Variants in FMN2 observed in about 807,000 individuals in gnomAD.
FMN2 encodes formin-2.
A neutral mutation model predicts 142.3 loss-of-function variants in FMN2; 51 were observed. The ratio of observed to expected loss-of-function variants is 0.36; its 90% CI spans 0.29 to 0.45. The LOEUF is 0.45. Ranked by LOEUF, FMN2 falls within the 20% of genes least tolerant of loss-of-function variation. The pLI is 1.00. For synonymous variants in FMN2, 882 were observed against 869.8 expected (o/e 1.01, Z -0.25); for missense variants, 1,936 against 2,122.8 (o/e 0.91, Z 1.73).
rs767619726 is a variant in FMN2, at chr1:240,188,313, AAG to A, written c.1986+53_1986+54del. The stretch of plus-strand genomic sequence containing the variant: ...GATTCCCATCTGTCTTATTTGTCTT[AAG>A]ATTGTGACAGACTCTGCGATTTATC... On this transcript the variant is annotated intron_variant, in intron 4 of 17. Coordinates refer to ENST00000319653, the MANE Select transcript of FMN2 (RefSeq NM_020066.5). 20 of 1,585,898 alleles carry A rather than the reference AAG, an allele frequency of 1.3e-5. No individual in the cohort carries two copies. In the South Asian group the frequency reaches 2.2e-4, roughly 18 times the overall value.
intron 14 of FMN2, among the ~76,000 whole-genome samples, chr1:240,378,931 T>G (rs143975521): frequency 2.0e-5 from 3 of 152,336 alleles, no homozygotes; most frequent in African/African-American, 7.2e-5. Context: ...CTCCTGTCAT[T>G]CCTGGGTCTG....
chr1:240,143,595 A>G lies in FMN2; in HGVS notation c.1782+20250A>G, dbSNP rs80098660. ...TCCCAGAGCCTGCCTATGCACACAC[A>G]TCTACCAGTGTGTTGGCAAAACTGC... On this transcript the variant is annotated intron_variant, in intron 2 of 17. Transcript: ENST00000319653. 3.6e-3 allele frequency: 5,816 copies of G among 1,607,686 alleles called. 188 individuals are homozygous for G. In the African/African-American group the frequency reaches 0.068, roughly 19 times the overall value.
chr1:240,382,670 A>T (rs752792519), intron 14 of FMN2, among the ~76,000 whole-genome samples: 6 of 152,144 alleles, frequency 3.9e-5, no homozygotes, highest in African/African-American at 9.7e-5. Flanking sequence ...CAAAAAGAAA[A>T]AAAAAATGAC....
intron 8 of FMN2, among the ~76,000 whole-genome samples, chr1:240,308,628 A>G (rs73122346): frequency 0.061 from 9,274 of 152,036 alleles, 958 homozygotes; most frequent in African/African-American, 0.21. Context: ...CTAGGAATAG[A>G]CTGTGAGAAG....
intron 14 of FMN2, among the ~76,000 whole-genome samples, chr1:240,368,509 G>A (rs1485066335): frequency 6.6e-6 from 1 of 152,080 alleles, no homozygotes; most frequent in African/African-American, 2.4e-5. Context: ...CTATTTTGAA[G>A]ATATGTAAAA....
chr1:240,431,881 T>A (rs896413379), intron 15 of FMN2, among the ~76,000 whole-genome samples: 2 of 151,690 alleles, frequency 1.3e-5, no homozygotes, highest in Admixed American at 1.3e-4. Context: ...ATTAAGGTTT[T>A]TTTTTTTGCT....
intron 7 of FMN2, among the ~76,000 whole-genome samples, chr1:240,268,620 A>G (rs1021838663): frequency 2.0e-5 from 3 of 151,994 alleles, no homozygotes; most frequent in Non-Finnish European, 2.9e-5. Context: ...ATCTAAGTAG[A>G]GACATAGACA....
At chr1:240,263,025 C>T (rs1008362361) in intron 7 of FMN2, among the ~76,000 whole-genome samples, 5 of 152,074 alleles carry the variant, frequency 3.3e-5, no homozygotes, top group Non-Finnish European at 5.9e-5. Context: ...TCCCAAAGTG[C>T]TGGGATTACA....
chr1:240,162,981 ACT>A (rs1175155617), intron 2 of FMN2, among the ~76,000 whole-genome samples: 1 of 151,994 alleles, frequency 6.6e-6, no homozygotes, highest in African/African-American at 2.4e-5. Context: ...TAAAATGCTG[ACT>A]CTGTTGTCTT....
intron 8 of FMN2, among the ~76,000 whole-genome samples, chr1:240,307,380 CT>C (rs1490426270): frequency 2.0e-4 from 31 of 152,182 alleles, no homozygotes; most frequent in African/African-American, 7.5e-4. Flanking sequence ...AGTTTGAGGT[CT>C]TACTTTTAAG....
At chr1:240,215,189 A>T (rs1296565003) in intron 6 of FMN2, among the ~76,000 whole-genome samples, 3 of 152,218 alleles carry the variant, frequency 2.0e-5, no homozygotes, top group Non-Finnish European at 4.4e-5. Flanking sequence ...GTCATAAGGA[A>T]ATATATTTTG....
At chr1:240,106,425 A>G (rs1486404886) in intron 1 of FMN2, among the ~76,000 whole-genome samples, 2 of 152,188 alleles carry the variant, frequency 1.3e-5, no homozygotes, top group Non-Finnish European at 2.9e-5. Context: ...ATCTTTATAT[A>G]GATACGGGAA....
intron 7 of FMN2, among the ~76,000 whole-genome samples, chr1:240,289,683 GTC>G (rs1198877672): frequency 6.6e-6 from 1 of 151,786 alleles, no homozygotes; most frequent in African/African-American, 2.4e-5. Context: ...CTGTCACTCT[GTC>G]TCTCTCTAAA....
chr1:240,368,955 T>TTATATATATA lies in FMN2; in HGVS notation c.4858+13056_4858+13065dup, dbSNP rs10671772. Reference sequence around the variant, plus strand: ...ATATTTAAAGTGTACAACACAATGTTTATATATATATATATATAAACACAG... The same window carrying TTATATATATA: ...ATATTTAAAGTGTACAACACAATGTTTATATATATATATATATATATATATATAAACACAG... On this transcript the variant is annotated intron_variant, in intron 14 of 17. Transcript: ENST00000319653. Among the ~76,000 whole-genome samples the TTATATATATA allele has an allele frequency of 9.0e-3, 1,334 of 148,070 alleles. 23 individuals carry two copies. Among genetic ancestry groups the TTATATATATA allele is most frequent in the African/African-American group, 0.031 (1,243 of 39,734 alleles).
chr1:240,159,996 CACAT>C lies in FMN2; in HGVS notation c.1783-17921_1783-17918del, dbSNP rs1287333258. ...ATATACACACACACACACACACACA[CACAT>C]ACACACATATTCTTTTGGTCTTCAG... is the stretch of plus-strand genomic sequence containing the variant. On this transcript the variant is annotated intron_variant, in intron 2 of 17. Transcript: ENST00000319653. 1.8e-3 allele frequency among the ~76,000 whole-genome samples: 261 copies of C among 146,252 alleles called. 4 individuals are homozygous for C. In the South Asian group the frequency reaches 0.029, roughly 16 times the overall value.
At chr1:240,361,854 G>A (rs1433708361) in intron 14 of FMN2, among the ~76,000 whole-genome samples, 1 of 152,216 alleles carries the variant, frequency 6.6e-6, no homozygotes, top group Non-Finnish European at 1.5e-5. Context: ...TTCTGGAGGA[G>A]AATAGCATTT....
At position 240,239,731 on chromosome 1, in the gene FMN2, AAG is replaced by A. The variant is rs572566728; in HGVS notation, c.4066-18211_4066-18210del. 7.1e-3 allele frequency among the ~76,000 whole-genome samples: 1,083 copies of A among 152,354 alleles called. 5 individuals are homozygous for A. The highest frequency in any genetic ancestry group is 0.013 in the Non-Finnish European group (857 of 68,032). On this transcript the variant is annotated intron_variant, in intron 6 of 17. Coordinates refer to ENST00000319653, the MANE Select transcript of FMN2 (RefSeq NM_020066.5). The stretch of plus-strand genomic sequence containing the variant: ...GAAAGAAACATCATGCCATTGGCCA[AAG>A]AGCAGGAAGTGAAGCAAAACGCCTG...
At chr1:240,177,433 C>T (rs1402412633) in intron 2 of FMN2, among the ~76,000 whole-genome samples, 1 of 151,766 alleles carries the variant, frequency 6.6e-6, no homozygotes, top group Non-Finnish European at 1.5e-5. Context: ...CAACCTGGAC[C>T]CCAGATAAGT....
chr1:240,408,295 C>G (rs1484051917), intron 15 of FMN2, among the ~76,000 whole-genome samples: 1 of 151,940 alleles, frequency 6.6e-6, no homozygotes, highest in Non-Finnish European at 1.5e-5. Flanking sequence ...GCAACTAGGC[C>G]AAACATTCTT....
Sources: gnomAD v4.1 joint callset for allele counts (sites outside exome capture counted in the v4.1 genomes callset) on GRCh38, gnomAD v4.1.1 for gene constraint, MANE v1.5 for transcripts, NCBI Gene and HGNC (gene_info 2026-07-23, HGNC 2026-07-21) for gene names.